The following PICALM variants were observed in gnomAD, a reference collection of about 807,000 sequenced individuals.
PICALM encodes the protein phosphatidylinositol binding clathrin assembly protein.
In PICALM, 40 loss-of-function variants were observed where a neutral mutation model predicts 80.5. The observed-to-expected ratio is 0.50, with a 90% confidence interval of 0.39 to 0.65. The LOEUF (loss-of-function observed/expected upper bound fraction) is 0.65, where lower values mean the gene tolerates loss of function less well. Among genes scored for constraint, PICALM ranks in the 30% least tolerant of loss-of-function variants. The probability of loss-of-function intolerance (pLI) is 0.00; values close to 1 mark genes in which losing one functional copy is unlikely to be tolerated. For synonymous variants in PICALM, 288 were observed against 260.3 expected, an observed-to-expected ratio of 1.11 and a Z score of -1.02; for missense variants, 676 against 778.9, an observed-to-expected ratio of 0.87 and a Z score of 1.57.
intron 19 of PICALM, among the ~76,000 whole-genome samples, chr11:85,966,994 C>T (rs2093923682): frequency 6.6e-6 from 1 of 152,140 alleles, no homozygotes; most frequent in South Asian, 2.1e-4. Flanking sequence ...AGCTTAAAAA[C>T]TTTTAACATG....
rs5793177 is a variant in PICALM at position 85,990,008 on chromosome 11, C to CAAAAAA, written c.1408+236_1408+241dup. 5.6e-3 allele frequency among the ~76,000 whole-genome samples: 495 copies of CAAAAAA among 89,000 alleles called. 7 individuals are homozygous for CAAAAAA. Among genetic ancestry groups the CAAAAAA allele is most frequent in the Non-Finnish European group, 7.5e-3 (357 of 47,336 alleles). The allele number at this position is 89,000 out of a possible 152,430, so 58.4% of individuals were successfully genotyped here. ...TATAACACGACAGAGAACCAAACAC[C>CAAAAAA]AAAAAAAAAAAAAAAAAAAAAGTTC... On this transcript the variant is annotated intron_variant, in intron 13 of 19. Coordinates refer to ENST00000393346, the MANE Select transcript of PICALM (RefSeq NM_007166.4).
rs747618782 is a variant in PICALM, at chr11:86,000,730, G to A, written c.1067C>T (p.Thr356Ile). The A allele has an allele frequency of 1.2e-6, 2 of 1,612,892 alleles. No homozygotes were observed. The highest frequency in any genetic ancestry group is 1.7e-6 in the Non-Finnish European group (2 of 1,179,696). ...LAKKPHTSLTTAASPVSTSAG... is the reference protein window; with the variant it reads ...LAKKPHTSLTIAASPVSTSAG... ...TGAGGTGGATACAGGAGAGGCTGCA[G>A]TTGTTAAAGAGGTATGAGGTTTCTT... The change falls in exon 11 of 20, where the codon ACT becomes ATT. Residue 356 changes from threonine (T) to isoleucine (I), a missense_variant. By Grantham distance (89) the Thr-to-Ile change is moderately conservative. This residue lies in a region of PICALM where 391 missense variants were observed against 383.6 expected (regional missense o/e 1.02). Coordinates refer to ENST00000393346, the MANE Select transcript of PICALM (RefSeq NM_007166.4).
chr11:86,046,664 T>A (rs1402356598), intron 1 of PICALM, among the ~76,000 whole-genome samples: 1 of 152,190 alleles, frequency 6.6e-6, no homozygotes, highest in Non-Finnish European at 1.5e-5. Flanking sequence ...TTACCATAGA[T>A]CCTTGCACTC....
intron 1 of PICALM, among the ~76,000 whole-genome samples, chr11:86,064,473 A>T (rs1565615754): frequency 6.7e-6 from 1 of 150,322 alleles, no homozygotes; most frequent in Non-Finnish European, 1.5e-5. Flanking sequence ...GACCTGCCCG[A>T]GCAACACAAG....
chr11:86,005,021 A>G (rs1262644209), intron 8 of PICALM, among the ~76,000 whole-genome samples: 1 of 152,242 alleles, frequency 6.6e-6, no homozygotes, highest in African/African-American at 2.4e-5. Context: ...AGCTCTTCTC[A>G]CACAACAGGT....
rs1341284430 is a variant in PICALM, at chr11:85,983,773, A to G, written c.1516+93T>C. 7.2e-6 allele frequency: 4 copies of G among 554,118 alleles called. No individual in the cohort carries two copies. The African/African-American group carries it at 7.8e-5, about 11-fold the overall frequency. The allele number at this position is 554,118 out of a possible 1,614,324, so 34.3% of individuals were successfully genotyped here. On this transcript the variant is annotated intron_variant, in intron 14 of 19. Coordinates refer to ENST00000393346, the MANE Select transcript of PICALM (RefSeq NM_007166.4). ...ATTTCTTTGGCTACCCCAGTTTAAT[A>G]TATCTAAACATTTTAAAAGCAGCAT...
chr11:86,061,722 C>T (rs1400894654), intron 1 of PICALM, among the ~76,000 whole-genome samples: 3 of 152,116 alleles, frequency 2.0e-5, no homozygotes, highest in Non-Finnish European at 4.4e-5. Flanking sequence ...GTATTCTTAC[C>T]ATATGATCCA....
In PICALM at chr11:85,996,840, G is replaced by A; in HGVS notation, c.1244C>T (p.Ala415Val). The change falls in exon 12 of 20, where the codon GCA becomes GTA. Residue 415 changes from alanine to valine, a missense_variant. Physicochemically the swap from Ala to Val is moderately conservative, Grantham distance 64. Coordinates refer to ENST00000393346, the MANE Select transcript of PICALM (RefSeq NM_007166.4). Reference sequence around the variant, plus strand: ...TCAATGCTTACCTCCCCATGTACTTGCTACCTGAGAAGCAGTTGACATAGG... The same window carrying A: ...TCAATGCTTACCTCCCCATGTACTTACTACCTGAGAAGCAGTTGACATAGG... ...VHPMSTASQV[A>V]STWGDPFSAT... 6.3e-7 allele frequency: 1 copy of A among 1,597,492 alleles called. No individual in the cohort carries two copies. Among genetic ancestry groups the A allele is most frequent in the South Asian group, 1.1e-5 (1 of 90,596 alleles).
intron 1 of PICALM, among the ~76,000 whole-genome samples, chr11:86,066,317 G>A (rs1312480702): frequency 6.6e-6 from 1 of 152,096 alleles, no homozygotes; most frequent in Non-Finnish European, 1.5e-5. Flanking sequence ...TAGTATCCCT[G>A]TATTTTAAAA....
chr11:86,002,524 G>C (rs1429797895), intron 9 of PICALM, among the ~76,000 whole-genome samples: 1 of 152,132 alleles, frequency 6.6e-6, no homozygotes, highest in Non-Finnish European at 1.5e-5. Context: ...TAGGTTAAAT[G>C]GTCTTAGTCT....
At chr11:86,014,995 T>A in intron 4 of PICALM, 32 bp from the exon 5 acceptor site, 1 of 1,281,354 alleles carries the variant, frequency 7.8e-7, no homozygotes. Context: ...AATAAACAAA[T>A]GAATCTGCAA....
chr11:85,988,290 G>C lies in PICALM; in HGVS notation c.1408+1960C>G, dbSNP rs552478232. On this transcript the variant is annotated intron_variant, in intron 13 of 19. Transcript: ENST00000393346. ...AGGTTTTGAGAATGGAGTAAAGTAAGAAGATGATAAGCAACTATTCATAAA... is the reference window on the plus strand; with the variant it reads ...AGGTTTTGAGAATGGAGTAAAGTAACAAGATGATAAGCAACTATTCATAAA... Among the ~76,000 whole-genome samples, 27 of 152,284 alleles carry C rather than the reference G, an allele frequency of 1.8e-4. 1 individual carries two copies. The South Asian group carries it at 5.0e-3, about 28-fold the overall frequency.
intron 19 of PICALM, among the ~76,000 whole-genome samples, chr11:85,968,537 A>G (rs2093985322): frequency 6.6e-6 from 1 of 152,244 alleles, no homozygotes; most frequent in African/African-American, 2.4e-5. Context: ...GTGTTATTTC[A>G]TATCACAATG....
intron 1 of PICALM, among the ~76,000 whole-genome samples, chr11:86,055,791 C>T (rs1274348106): frequency 6.6e-6 from 1 of 152,056 alleles, no homozygotes; most frequent in Non-Finnish European, 1.5e-5. Context: ...AGGTGCATAA[C>T]CTTGAATCAG....
intron 2 of PICALM, among the ~76,000 whole-genome samples, chr11:86,030,600 T>G (rs1168862390): frequency 6.6e-6 from 1 of 152,232 alleles, no homozygotes; most frequent in African/African-American, 2.4e-5. Flanking sequence ...AAAAATTAGC[T>G]GCTAGGCTAT....
intron 5 of PICALM, among the ~76,000 whole-genome samples, chr11:86,012,677 G>A (rs2095418537): frequency 6.6e-6 from 1 of 151,900 alleles, no homozygotes; most frequent in South Asian, 2.1e-4. Context: ...AAATCAAAAA[G>A]ATAAACCAAA....
chr11:86,020,383 A>G (rs1039858998), intron 4 of PICALM, among the ~76,000 whole-genome samples: 5 of 145,548 alleles, frequency 3.4e-5, no homozygotes, highest in Admixed American at 7.0e-5. Context: ...TGAAATTCAC[A>G]TGGGAATGCA....
At chr11:86,030,365 GC>G (rs1316248194) in intron 2 of PICALM, among the ~76,000 whole-genome samples, 2 of 152,278 alleles carry the variant, frequency 1.3e-5, no homozygotes, top group East Asian at 3.9e-4. Flanking sequence ...ATACTGAAAA[GC>G]CCAAAATAAC....
chr11:86,049,216 C>T (rs2096133378), intron 1 of PICALM, among the ~76,000 whole-genome samples: 2 of 152,122 alleles, frequency 1.3e-5, no homozygotes, highest in African/African-American at 4.8e-5. Context: ...ATCACTGGAA[C>T]CCAGTGCAGT....
Sources: gnomAD v4.1 joint callset for allele counts (sites outside exome capture counted in the v4.1 genomes callset) on GRCh38, gnomAD v4.1.1 for gene constraint, gnomAD v4.1.1 regional missense constraint, MANE v1.5 for transcripts, NCBI Gene and HGNC (gene_info 2026-07-23, HGNC 2026-07-21) for gene names.